The following AKAP7 variants were observed in gnomAD, a reference collection of about 807,000 sequenced individuals.
AKAP7 encodes the protein A-kinase anchoring protein 7.
A neutral mutation model predicts 39.5 loss-of-function variants in AKAP7; 39 were observed. The ratio of observed to expected loss-of-function variants is 0.99; its 90% CI spans 0.76 to 1.29. The LOEUF (loss-of-function observed/expected upper bound fraction) is 1.29, where lower values mean the gene tolerates loss of function less well. Among genes scored for constraint, AKAP7 ranks in the 50% most tolerant of loss-of-function variants. The pLI is 0.00. For synonymous variants in AKAP7, 140 were observed against 139.1 expected, an observed-to-expected ratio of 1.01 and a Z score of -0.05; for missense variants, 414 against 407.7, an observed-to-expected ratio of 1.02 and a Z score of -0.13.
chr6:131,154,680 C>G (rs1402845939), intron 2 of AKAP7, among the ~76,000 whole-genome samples: 1 of 151,928 alleles, frequency 6.6e-6, no homozygotes, highest in Non-Finnish European at 1.5e-5. Context: ...AATATCCTTA[C>G]TATACCAAAA....
intron 7 of AKAP7, among the ~76,000 whole-genome samples, chr6:131,223,727 C>T (rs1809908333): frequency 6.6e-6 from 1 of 152,144 alleles, no homozygotes; most frequent in African/African-American, 2.4e-5. Context: ...ATAAGAATTG[C>T]AGTGCCTCAT....
chr6:131,208,756 T>A (rs1009028854), intron 6 of AKAP7, among the ~76,000 whole-genome samples: 2 of 152,108 alleles, frequency 1.3e-5, no homozygotes, highest in Non-Finnish European at 2.9e-5. Flanking sequence ...ATTCTTTTTT[T>A]CCCCCCATGT....
chr6:131,145,382 A>G lies in AKAP7; in HGVS notation c.117A>G (p.Pro39=). ...ANTMDSLVDM[P]FATVDIQDDC... is the part of the protein sequence containing the mutation. ...CTATGGATTCTCTGGTAGACATGCC[A>G]TTTGCTACTGTAGATATTCAGGATG... Residue 39 remains proline (P), a synonymous_variant, in exon 2 of 8, where the codon CCA becomes CCG. Coordinates refer to ENST00000431975, the MANE Select transcript of AKAP7 (RefSeq NM_016377.4). 6.4e-7 allele frequency: 1 copy of G among 1,564,334 alleles called. No homozygotes were observed. Among genetic ancestry groups the G allele is most frequent in the Non-Finnish European group, 8.7e-7 (1 of 1,154,790 alleles).
chr6:131,248,089 A>G (rs1048018205), intron 7 of AKAP7, among the ~76,000 whole-genome samples: 1 of 152,218 alleles, frequency 6.6e-6, no homozygotes, highest in Non-Finnish European at 1.5e-5. Context: ...CATTAACTCA[A>G]GATGGCAGCT....
intron 7 of AKAP7, among the ~76,000 whole-genome samples, chr6:131,237,690 C>A (rs1481652591): frequency 6.6e-6 from 1 of 152,086 alleles, no homozygotes; most frequent in African/African-American, 2.4e-5. Flanking sequence ...AGTTTATTTG[C>A]CTAGAGGTGT....
chr6:131,280,847 A>G (rs908863837), intron 7 of AKAP7, among the ~76,000 whole-genome samples: 1 of 152,226 alleles, frequency 6.6e-6, no homozygotes, highest in African/African-American at 2.4e-5. Flanking sequence ...GACCTGGATT[A>G]TCACTCCCAG....
intron 5 of AKAP7, among the ~76,000 whole-genome samples, chr6:131,192,218 T>C (rs1446655473): frequency 6.6e-6 from 1 of 152,178 alleles, no homozygotes; most frequent in Non-Finnish European, 1.5e-5. Flanking sequence ...GTTTCATAGT[T>C]TGAGGTCTAG....
At chr6:131,159,034 G>C (rs1379251358) in intron 2 of AKAP7, among the ~76,000 whole-genome samples, 3 of 152,154 alleles carry the variant, frequency 2.0e-5, no homozygotes, top group African/African-American at 4.8e-5. Context: ...ACTTTAAAAA[G>C]TGGTATTGTA....
chr6:131,157,565 T>G (rs1326394688), intron 2 of AKAP7, among the ~76,000 whole-genome samples: 2 of 152,326 alleles, frequency 1.3e-5, no homozygotes, highest in South Asian at 2.1e-4. Flanking sequence ...TTCTTAGATG[T>G]GTAAAATTGC....
At chr6:131,279,953 C>A (rs1349691172) in intron 7 of AKAP7, among the ~76,000 whole-genome samples, 2 of 152,032 alleles carry the variant, frequency 1.3e-5, no homozygotes, top group African/African-American at 4.8e-5. Flanking sequence ...GTATAAACAC[C>A]GTGTTGTAAG....
chr6:131,132,989 T>C (rs557246236), upstream of AKAP7, among the ~76,000 whole-genome samples: 1 of 152,356 alleles, frequency 6.6e-6, no homozygotes, highest in South Asian at 2.1e-4. Flanking sequence ...TAACCTTTCA[T>C]GTAATGGTTT....
intron 1 of AKAP7, among the ~76,000 whole-genome samples, chr6:131,138,914 A>G (rs879558704): frequency 6.6e-6 from 1 of 152,216 alleles, no homozygotes; most frequent in Admixed American, 6.5e-5. Context: ...TCTTTATGTT[A>G]TTAATGCATT....
At chr6:131,160,899 A>G (rs1005825152) in intron 3 of AKAP7, among the ~76,000 whole-genome samples, 2 of 152,230 alleles carry the variant, frequency 1.3e-5, no homozygotes, top group Admixed American at 6.5e-5. Context: ...AAACTACTGC[A>G]TCTCATTACA....
chr6:131,148,478 C>T (rs993712893), intron 2 of AKAP7, among the ~76,000 whole-genome samples: 1 of 152,052 alleles, frequency 6.6e-6, no homozygotes, highest in African/African-American at 2.4e-5. Context: ...AATTCCCCCC[C>T]CCGTTTATCT....
chr6:131,240,454 G>T (rs1811442937), intron 7 of AKAP7, among the ~76,000 whole-genome samples: 1 of 152,202 alleles, frequency 6.6e-6, no homozygotes, highest in Non-Finnish European at 1.5e-5. Flanking sequence ...GGACATTTAA[G>T]TCTGCAGAGG....
chr6:131,154,189 CAA>C (rs1251276334), intron 2 of AKAP7, among the ~76,000 whole-genome samples: 3 of 151,862 alleles, frequency 2.0e-5, no homozygotes, highest in African/African-American at 7.3e-5. Flanking sequence ...GCCTGGGCAA[CAA>C]GAGCAAAACT....
chr6:131,127,791 G>A, the AKAP7 span, among the ~76,000 whole-genome samples: 2 of 152,264 alleles, frequency 1.3e-5, no homozygotes, highest in African/African-American at 4.8e-5. Context: ...CCCATCAACA[G>A]TAGACTGCAT....
intron 5 of AKAP7, among the ~76,000 whole-genome samples, chr6:131,198,765 T>C (rs1807216751): frequency 6.6e-6 from 1 of 152,162 alleles, no homozygotes; most frequent in Non-Finnish European, 1.5e-5. Flanking sequence ...TAGACACTCT[T>C]CCCTCTAATC....
At chr6:131,264,564 G>T (rs944342095) in intron 7 of AKAP7, among the ~76,000 whole-genome samples, 6 of 152,124 alleles carry the variant, frequency 3.9e-5, no homozygotes, top group Non-Finnish European at 8.8e-5. Flanking sequence ...GTGTTTATCA[G>T]GAAGATCATA....
Sources: allele counts gnomAD v4.1 joint callset (sites outside exome capture counted in the v4.1 genomes callset), GRCh38; gene constraint gnomAD v4.1.1; transcripts MANE v1.5; gene names NCBI Gene and HGNC (gene_info 2026-07-23, HGNC 2026-07-21).